Variants in PKHD1 observed in about 807,000 individuals in gnomAD.
PKHD1 encodes the protein PKHD1 ciliary IPT domain containing fibrocystin/polyductin, also known as fibrocystin.
A neutral mutation model predicts 412.0 loss-of-function variants in PKHD1; 291 were observed. That is an observed-to-expected ratio of 0.71 (90% confidence interval 0.64 to 0.78). The LOEUF is 0.78. Among genes scored for constraint, PKHD1 ranks in the 30% least tolerant of loss-of-function variants. PKHD1 has a pLI of 0.00. For missense variants in PKHD1, 4,825 were observed against 4,950.7 expected (o/e 0.97, Z 0.76); for synonymous variants, 1,777 against 1,821.5 (o/e 0.98, Z 0.62).
chr6:51,922,455 AAC>A (rs1784850542), intron 37 of PKHD1, among the ~76,000 whole-genome samples: 1 of 152,166 alleles, frequency 6.6e-6, no homozygotes, highest in Non-Finnish European at 1.5e-5. Flanking sequence ...GTGCTGGGAG[AAC>A]CACTACTCTC....
In PKHD1 at chr6:51,784,513, T is replaced by C. The variant is rs537002760; in HGVS notation, c.8440+6723A>G. Among the ~76,000 whole-genome samples the C allele has an allele frequency of 3.3e-5, 5 of 152,342 alleles. 1 individual carries two copies. The South Asian group carries it at 1.0e-3, about 32-fold the overall frequency. The stretch of plus-strand genomic sequence containing the variant: ...GGGGAATTTTCCAGAAATTGTACAA[T>C]GAGTTACTAAACTAAAATCACAATT... On this transcript the variant is annotated intron_variant, in intron 53 of 66. Coordinates refer to ENST00000371117, the MANE Select transcript of PKHD1 (RefSeq NM_138694.4).
intron 35 of PKHD1, among the ~76,000 whole-genome samples, chr6:51,982,848 AAAAAAT>A (rs1562054252): frequency 1.4e-4 from 8 of 56,258 alleles, no homozygotes; most frequent in South Asian, 1.0e-3. Flanking sequence ...TAAAAAAATA[AAAAAAT>A]AAAAATAAAA....
At chr6:51,922,642 G>C (rs10948661) in intron 37 of PKHD1, among the ~76,000 whole-genome samples, 22,064 of 152,266 alleles carry the variant, frequency 0.14, 1,760 homozygotes, top group Non-Finnish European at 0.19. Context: ...TCAAGCCTCA[G>C]CAATGGCGGA....
chr6:52,058,601 C>T lies in PKHD1; in HGVS notation c.1234G>A (p.Val412Met), dbSNP rs748254358. ...FSWSEEPRTK[V>M]KVASISVGTA... ...CCGACGCTGATGGAGGCCACTTTCA[C>T]CTATGCCCAAATAAGCATATCATGA... Residue 412 changes from valine (V) to methionine (M), a missense_variant and splice_region_variant, in exon 16 of 67, where the codon GTG (valine) becomes ATG (methionine). Coordinates refer to ENST00000371117, the MANE Select transcript of PKHD1 (RefSeq NM_138694.4). 6.8e-6 allele frequency: 11 copies of T among 1,613,766 alleles called. No homozygotes were observed. The East Asian group carries it at 1.3e-4, about 20-fold the overall frequency.
intron 55 of PKHD1, among the ~76,000 whole-genome samples, chr6:51,771,108 T>A (rs537727604): frequency 6.0e-4 from 62 of 102,784 alleles, no homozygotes; most frequent in African/African-American, 3.1e-3. Flanking sequence ...TGTAAATCTA[T>A]CCCTTGAAAT....
chr6:51,901,585 G>T (rs1781299352), intron 43 of PKHD1, among the ~76,000 whole-genome samples: 1 of 151,668 alleles, frequency 6.6e-6, no homozygotes, highest in East Asian at 1.9e-4. Flanking sequence ...ACAAGTTAGT[G>T]GGTACAGCGC....
At chr6:51,641,354 T>C (rs1769320487) in intron 63 of PKHD1, among the ~76,000 whole-genome samples, 1 of 152,132 alleles carries the variant, frequency 6.6e-6, no homozygotes, top group Non-Finnish European at 1.5e-5. Context: ...GAGTAAATGG[T>C]ATCTCATCTC....
chr6:51,831,360 T>C (rs1487644241), intron 51 of PKHD1, among the ~76,000 whole-genome samples: 1 of 152,182 alleles, frequency 6.6e-6, no homozygotes, highest in African/African-American at 2.4e-5. Context: ...AATTTTTACA[T>C]AATTGAGATT....
At chr6:51,662,358 A>G (rs1286633337) in intron 60 of PKHD1, among the ~76,000 whole-genome samples, 1 of 151,918 alleles carries the variant, frequency 6.6e-6, no homozygotes, top group East Asian at 1.9e-4. Context: ...GCACACACAC[A>G]TACAAGTAAA....
intron 37 of PKHD1, among the ~76,000 whole-genome samples, chr6:51,925,793 C>CCTCTCTCTCTTTTTATCT (rs1339182518): frequency 2.6e-5 from 4 of 151,938 alleles, no homozygotes; most frequent in Admixed American, 2.0e-4. Context: ...TCTCTCCCTT[C>CCTCTCTCTCTTTTTATCT]CTCTCTCTCT....
At chr6:51,978,872 G>A (rs1436790409) in intron 35 of PKHD1, among the ~76,000 whole-genome samples, 3 of 152,198 alleles carry the variant, frequency 2.0e-5, no homozygotes, top group Admixed American at 6.5e-5. Flanking sequence ...TGAACTGAAG[G>A]AGAAAGTGTC....
intron 29 of PKHD1, 45 bp from the exon 30 acceptor site, chr6:52,028,396 G>T (rs1581829541): frequency 2.6e-6 from 4 of 1,552,664 alleles, no homozygotes; most frequent in African/African-American, 1.4e-5. Context: ...TGGGGTTTGT[G>T]GGCTCAACCA....
At chr6:51,768,725 G>T (rs1043299485) in intron 55 of PKHD1, among the ~76,000 whole-genome samples, 20 of 151,642 alleles carry the variant, frequency 1.3e-4, no homozygotes, top group African/African-American at 4.8e-4. Context: ...TTTAATGATT[G>T]TTGTAACAAA....
Position 51,804,362 on chromosome 6 carries a change from G to T in PKHD1, c.8303-12989C>A, listed in dbSNP as rs1402958894. Among the ~76,000 whole-genome samples the T allele has an allele frequency of 1.0e-4, 5 of 48,896 alleles. 1 individual carries two copies. The highest frequency in any genetic ancestry group is 3.5e-4 in the Admixed American group (2 of 5,764). 32.1% of individuals were successfully genotyped at this position (48,896 alleles called of 152,430 possible). ...AAGTAGAGAAATACTAATTCATTGG[G>T]GGGGGGGGGGGCGGTAACAGGAGAA... is the stretch of plus-strand genomic sequence containing the variant. On this transcript the variant is annotated intron_variant, in intron 52 of 66. Transcript: ENST00000371117.
At chr6:51,863,490 A>T (rs532432390) in intron 48 of PKHD1, among the ~76,000 whole-genome samples, 1 of 152,318 alleles carries the variant, frequency 6.6e-6, no homozygotes, top group South Asian at 2.1e-4. Flanking sequence ...ATAAGGGTTG[A>T]GCTTACATCC....
intron 36 of PKHD1, among the ~76,000 whole-genome samples, chr6:51,950,770 T>C (rs1325750576): frequency 6.6e-6 from 1 of 152,196 alleles, no homozygotes; most frequent in Non-Finnish European, 1.5e-5. Context: ...CCTGGAATTA[T>C]AGAATAATTC....
chr6:51,700,557 C>G (rs1418231750), intron 60 of PKHD1, among the ~76,000 whole-genome samples: 3 of 152,072 alleles, frequency 2.0e-5, no homozygotes, highest in South Asian at 2.1e-4. Context: ...AATAGCACCC[C>G]CCAAGGATTG....
At chr6:51,676,552 T>C (rs951464108) in intron 60 of PKHD1, among the ~76,000 whole-genome samples, 1 of 152,132 alleles carries the variant, frequency 6.6e-6, no homozygotes, top group African/African-American at 2.4e-5. Flanking sequence ...TCTCTTATTT[T>C]CAAGAAATGA....
intron 36 of PKHD1, among the ~76,000 whole-genome samples, chr6:51,958,947 G>A (rs1419074321): frequency 6.6e-6 from 1 of 151,610 alleles, no homozygotes; most frequent in Non-Finnish European, 1.5e-5. Context: ...TGCTATAGAA[G>A]AGAAAAAAAA....
Sources: gnomAD v4.1 joint callset for allele counts (sites outside exome capture counted in the v4.1 genomes callset) on GRCh38, gnomAD v4.1.1 for gene constraint, MANE v1.5 for transcripts, NCBI Gene and HGNC (gene_info 2026-07-23, HGNC 2026-07-21) for gene names.